The following CADPS2 variants were observed in gnomAD, a reference collection of about 807,000 sequenced individuals.
CADPS2 encodes the protein calcium-dependent secretion activator 2.
A neutral mutation model predicts 172.5 loss-of-function variants in CADPS2; 93 were observed. The ratio of observed to expected loss-of-function variants is 0.54; its 90% confidence interval spans 0.46 to 0.64. The LOEUF is 0.64. CADPS2 is among the 30% of genes least tolerant of loss of function. The pLI is 0.00. For missense variants in CADPS2, 1,420 were observed against 1,565.9 expected (o/e 0.91, Z 1.57); for synonymous variants, 546 against 555.2 (o/e 0.98, Z 0.23).
intron 1 of CADPS2, among the ~76,000 whole-genome samples, chr7:122,876,793 C>T (rs767237668): frequency 4.0e-5 from 6 of 151,882 alleles, no homozygotes; most frequent in East Asian, 3.9e-4. Flanking sequence ...TTTCTGAAAT[C>T]GTGCAATTAT....
In CADPS2 at chr7:122,405,711, G is replaced by A. The variant is rs73717648; in HGVS notation, c.2746+1829C>T. On this transcript the variant is annotated intron_variant, in intron 20 of 29. Coordinates refer to ENST00000449022, the MANE Select transcript of CADPS2 (RefSeq NM_017954.11). ...GGATAATTTGCAGAATGAATGATTCGCATATGGATAATTGCATGTGGTTTT... is the reference window on the plus strand; with the variant it reads ...GGATAATTTGCAGAATGAATGATTCACATATGGATAATTGCATGTGGTTTT... Among the ~76,000 whole-genome samples, 545 of 152,210 alleles carry A rather than the reference G, an allele frequency of 3.6e-3. 6 individuals carry two copies. Among genetic ancestry groups the A allele is most frequent in the African/African-American group, 0.012 (514 of 41,526 alleles).
chr7:122,723,729 A>G (rs140169190), intron 2 of CADPS2, among the ~76,000 whole-genome samples: 22,092 of 150,978 alleles, frequency 0.15, 1,665 homozygotes, highest in Non-Finnish European at 0.16. Context: ...ACATGCACAC[A>G]TATGTTTATT....
chr7:122,701,983 G>C, intron 2 of CADPS2: 2 of 1,613,692 alleles, frequency 1.2e-6, no homozygotes, highest in Non-Finnish European at 1.7e-6. Flanking sequence ...CAACACAGTT[G>C]TCTTCATTTA....
chr7:122,613,681 T>C (rs1351318714), intron 6 of CADPS2, among the ~76,000 whole-genome samples: 2 of 151,942 alleles, frequency 1.3e-5, no homozygotes, highest in Non-Finnish European at 2.9e-5. Context: ...GTACAGTTTT[T>C]TTTTTTTCTT....
intron 3 of CADPS2, among the ~76,000 whole-genome samples, chr7:122,650,422 C>G (rs947473007): frequency 1.3e-5 from 2 of 151,966 alleles, no homozygotes; most frequent in African/African-American, 4.8e-5. Flanking sequence ...TTTAGTATTA[C>G]TACCACAAAG....
At chr7:122,529,460 G>A (rs2061568139) in intron 8 of CADPS2, among the ~76,000 whole-genome samples, 2 of 151,722 alleles carry the variant, frequency 1.3e-5, no homozygotes, top group Non-Finnish European at 2.9e-5. Context: ...ATAAAACTAG[G>A]GATAAAGACT....
At chr7:122,538,181 T>G (rs2062516469) in intron 8 of CADPS2, among the ~76,000 whole-genome samples, 1 of 150,548 alleles carries the variant, frequency 6.6e-6, no homozygotes, top group South Asian at 2.1e-4. Flanking sequence ...AAAAAGAGAA[T>G]GCAAAAAAAT....
intron 2 of CADPS2, among the ~76,000 whole-genome samples, chr7:122,719,192 T>C (rs1326480025): frequency 6.6e-6 from 1 of 151,106 alleles, no homozygotes; most frequent in African/African-American, 2.4e-5. Context: ...ACAGCTTGAC[T>C]GGTGCCAAGA....
intron 1 of CADPS2, among the ~76,000 whole-genome samples, chr7:122,737,289 A>C (rs2137818498): frequency 6.6e-6 from 1 of 152,224 alleles, no homozygotes; most frequent in East Asian, 1.9e-4. Flanking sequence ...CAGTGGTGCG[A>C]TCTCGGCTCA....
chr7:122,854,698 T>G (rs898311835), intron 1 of CADPS2, among the ~76,000 whole-genome samples: 1 of 152,188 alleles, frequency 6.6e-6, no homozygotes, highest in African/African-American at 2.4e-5. Context: ...CAATTTAGCT[T>G]CAAGTGTGAG....
chr7:122,726,442 T>G (rs6948815), intron 2 of CADPS2, among the ~76,000 whole-genome samples: 101,608 of 151,794 alleles, frequency 0.67, 34,840 homozygotes, highest in Middle Eastern at 0.84. Context: ...AGAAAAGCTT[T>G]AAATATGTCA....
intron 1 of CADPS2, among the ~76,000 whole-genome samples, chr7:122,811,365 A>G (rs1799986823): frequency 6.6e-6 from 1 of 152,210 alleles, no homozygotes; most frequent in African/African-American, 2.4e-5. Flanking sequence ...CAGCAAAATA[A>G]CACAGCTATA....
At chr7:122,655,345 G>C (rs1015484418) in intron 3 of CADPS2, among the ~76,000 whole-genome samples, 3 of 152,048 alleles carry the variant, frequency 2.0e-5, no homozygotes, top group African/African-American at 7.2e-5. Flanking sequence ...AGAGTGAATC[G>C]CTATGCAAAT....
At chr7:122,492,986 T>G (rs1357954115) in intron 9 of CADPS2, among the ~76,000 whole-genome samples, 3 of 152,166 alleles carry the variant, frequency 2.0e-5, no homozygotes, top group African/African-American at 2.4e-5. Context: ...TACCTTTCAA[T>G]AGACAGTGAT....
chr7:122,525,430 T>C (rs1278158971), intron 8 of CADPS2, among the ~76,000 whole-genome samples: 3 of 152,202 alleles, frequency 2.0e-5, no homozygotes, highest in Non-Finnish European at 2.9e-5. Context: ...TCACTTGAAC[T>C]TCAACTTTAC....
intron 1 of CADPS2, among the ~76,000 whole-genome samples, chr7:122,799,807 T>C (rs1222313631): frequency 6.6e-6 from 1 of 152,170 alleles, no homozygotes; most frequent in Admixed American, 6.5e-5. Flanking sequence ...GTTCACTTTC[T>C]ATCATAGAGA....
At chr7:122,359,251 G>A (rs2039820113) in intron 27 of CADPS2, among the ~76,000 whole-genome samples, 1 of 152,038 alleles carries the variant, frequency 6.6e-6, no homozygotes, top group African/African-American at 2.4e-5. Context: ...AGAGAGATTA[G>A]AACGAGGATT....
intron 6 of CADPS2, among the ~76,000 whole-genome samples, chr7:122,588,009 C>A (rs753598017): frequency 2.6e-5 from 4 of 152,042 alleles, no homozygotes; most frequent in Non-Finnish European, 5.9e-5. Flanking sequence ...TGAATGTCTT[C>A]TTTTGAACAG....
intron 28 of CADPS2, among the ~76,000 whole-genome samples, chr7:122,332,903 T>C (rs1207666835): frequency 1.3e-5 from 2 of 152,208 alleles, no homozygotes; most frequent in East Asian, 1.9e-4. Context: ...AATAAGCAAG[T>C]GCCTCTGCAA....
Sources: allele counts gnomAD v4.1 joint callset (sites outside exome capture counted in the v4.1 genomes callset), GRCh38; gene constraint gnomAD v4.1.1; transcripts MANE v1.5; gene names NCBI Gene and HGNC (gene_info 2026-07-23, HGNC 2026-07-21).